The following GATAD2B variants were observed in gnomAD, a reference collection of about 807,000 sequenced individuals.
The protein encoded by GATAD2B is GATA zinc finger domain containing 2B.
GATAD2B carries 8 observed loss-of-function variants against 64.3 expected under a neutral mutation model. The ratio of observed to expected loss-of-function variants is 0.12; its 90% confidence interval spans 0.07 to 0.22. GATAD2B has a LOEUF of 0.22. Ranked by LOEUF, GATAD2B falls within the 10% of genes least tolerant of loss-of-function variation. The probability of loss-of-function intolerance (pLI) is 1.00; values close to 1 mark genes in which losing one functional copy is unlikely to be tolerated. For synonymous variants in GATAD2B, 281 were observed against 271.3 expected, an observed-to-expected ratio of 1.04 and a Z score of -0.35; for missense variants, 453 against 752.0, an observed-to-expected ratio of 0.60 and a Z score of 4.65.
intron 1 of GATAD2B, among the ~76,000 whole-genome samples, chr1:153,857,840 A>G (rs1676145555): frequency 1.3e-5 from 2 of 152,218 alleles, no homozygotes; most frequent in Non-Finnish European, 2.9e-5. Flanking sequence ...GAATTAGATA[A>G]TCCAACAAGA....
rs1677850294 is a variant in GATAD2B at position 153,903,858 on chromosome 1, C to T, written c.-2+18875G>A. ...AATTAGCTAGGTATGGTGGCACGCA[C>T]ATGTGGTCCCAGCTACTTGAGAGGT... On this transcript the variant is annotated intron_variant, in intron 1 of 10. Transcript: ENST00000368655. 2.6e-5 allele frequency among the ~76,000 whole-genome samples: 4 copies of T among 152,162 alleles called. No individual in the cohort carries two copies. The South Asian group carries it at 6.2e-4, about 24-fold the overall frequency.
rs188117370 is a variant in GATAD2B, at chr1:153,900,312, A to C, written c.-2+22421T>G. Among the ~76,000 whole-genome samples, 1,461 of 152,020 alleles carry C rather than the reference A, an allele frequency of 9.6e-3. 19 individuals are homozygous for C. The highest frequency in any genetic ancestry group is 0.016 in the Non-Finnish European group (1,094 of 67,976). On this transcript the variant is annotated intron_variant, in intron 1 of 10. Transcript: ENST00000368655. Reference sequence around the variant, plus strand: ...CACGCACCTGTAATCCCAGCTACTCAGGAGGCTTGAGGCAGGAGAATCACT... The same window carrying C: ...CACGCACCTGTAATCCCAGCTACTCCGGAGGCTTGAGGCAGGAGAATCACT...
intron 1 of GATAD2B, among the ~76,000 whole-genome samples, chr1:153,893,955 T>TAAAAAAA (rs57287798): frequency 1.5e-5 from 1 of 68,630 alleles, no homozygotes; most frequent in Non-Finnish European, 2.4e-5. Context: ...AGACTCCATC[T>TAAAAAAA]AAAAAAAAAA....
intron 2 of GATAD2B, among the ~76,000 whole-genome samples, chr1:153,823,714 CT>C (rs894778245): frequency 8.0e-4 from 111 of 138,880 alleles, no homozygotes; most frequent in Admixed American, 1.1e-3. Context: ...ATCGGTTTTG[CT>C]TTTTTTTTTT....
intron 1 of GATAD2B, among the ~76,000 whole-genome samples, chr1:153,836,270 T>G (rs562831645): frequency 1.3e-5 from 2 of 150,536 alleles, no homozygotes; most frequent in Admixed American, 1.3e-4. Flanking sequence ...TTTGTTTTTT[T>G]TTTTTTTTTT....
At chr1:153,827,063 T>C (rs567683535) in intron 2 of GATAD2B, among the ~76,000 whole-genome samples, 2 of 147,992 alleles carry the variant, frequency 1.4e-5, no homozygotes, top group African/African-American at 2.5e-5. Context: ...CTGGGTAATA[T>C]GGCAAAAACC....
intron 1 of GATAD2B, among the ~76,000 whole-genome samples, chr1:153,913,012 C>T (rs532031424): frequency 2.6e-5 from 4 of 152,048 alleles, no homozygotes; most frequent in African/African-American, 7.2e-5. Flanking sequence ...TGCTTGAACC[C>T]GGGAGGTAGA....
intron 1 of GATAD2B, among the ~76,000 whole-genome samples, chr1:153,838,093 C>A: frequency 6.6e-6 from 1 of 152,170 alleles, no homozygotes; most frequent in East Asian, 1.9e-4. Flanking sequence ...TGTATCCCAA[C>A]TGCAAAGCTT....
rs1553199455 is a variant in GATAD2B, at chr1:153,908,782, G to GGA, written c.-2+13950_-2+13951insTC. On this transcript the variant is annotated intron_variant, in intron 1 of 10. Transcript: ENST00000368655. The stretch of plus-strand genomic sequence containing the variant: ...CGCACCTGGCCTAGAAACATACTTG[G>GGA]AAAAAAAAAAAAAAAAAAAAGAAAG... Among the ~76,000 whole-genome samples, 7 of 31,874 alleles carry GGA rather than the reference G, an allele frequency of 2.2e-4. No individual in the cohort carries two copies. In the East Asian group the frequency reaches 4.1e-3, roughly 19 times the overall value. The allele number at this position is 31,874 out of a possible 152,430, so 20.9% of individuals were successfully genotyped here.
At chr1:153,897,368 A>C (rs1440933101) in intron 1 of GATAD2B, among the ~76,000 whole-genome samples, 2 of 152,198 alleles carry the variant, frequency 1.3e-5, no homozygotes, top group African/African-American at 4.8e-5. Context: ...TAAGAAGAAA[A>C]GATGAAAAGT....
At chr1:153,894,476 A>G (rs1221320587) in intron 1 of GATAD2B, among the ~76,000 whole-genome samples, 2 of 152,108 alleles carry the variant, frequency 1.3e-5, no homozygotes, top group Non-Finnish European at 2.9e-5. Flanking sequence ...TCAAAAAACA[A>G]AAAAAGACTT....
At chr1:153,872,967 T>C (rs897251988) in intron 1 of GATAD2B, among the ~76,000 whole-genome samples, 31 of 151,176 alleles carry the variant, frequency 2.1e-4, no homozygotes, top group African/African-American at 7.6e-4. Flanking sequence ...CATTCTTAAA[T>C]GAAACTTTTT....
intron 1 of GATAD2B, among the ~76,000 whole-genome samples, chr1:153,895,770 A>G (rs759058407): frequency 1.1e-4 from 16 of 152,110 alleles, no homozygotes; most frequent in Non-Finnish European, 2.2e-4. Context: ...ATCTACAAAG[A>G]TTCTAAGTCT....
chr1:153,892,692 C>CTTTT (rs144331770), intron 1 of GATAD2B, among the ~76,000 whole-genome samples: 8 of 97,858 alleles, frequency 8.2e-5, no homozygotes, highest in East Asian at 2.5e-4. Flanking sequence ...TGTAAGAAAC[C>CTTTT]TTTTTTTTTT....
At chr1:153,857,571 T>C (rs865885822) in intron 1 of GATAD2B, among the ~76,000 whole-genome samples, 1 of 152,184 alleles carries the variant, frequency 6.6e-6, no homozygotes, top group African/African-American at 2.4e-5. Flanking sequence ...TGATAAAATA[T>C]GTAAAACTTA....
chr1:153,915,741 TAAAAAAAAAAAAA>T (rs56236211), intron 1 of GATAD2B, among the ~76,000 whole-genome samples: 1 of 98,098 alleles, frequency 1.0e-5, no homozygotes, highest in East Asian at 2.8e-4. Flanking sequence ...CTTGTCTATA[TAAAAAAAAAAAAA>T]AAAAAAAGAA....
chr1:153,860,658 C>A (rs1676249427), intron 1 of GATAD2B, among the ~76,000 whole-genome samples: 1 of 151,428 alleles, frequency 6.6e-6, no homozygotes, highest in Non-Finnish European at 1.5e-5. Context: ...TTCTTATCTA[C>A]TTAAAAAAAA....
chr1:153,843,495 GAACTCCT>G (rs1380297185), intron 1 of GATAD2B, among the ~76,000 whole-genome samples: 1 of 151,898 alleles, frequency 6.6e-6, no homozygotes, highest in Non-Finnish European at 1.5e-5. Context: ...GGTTAGTCTT[GAACTCCT>G]GGCCTCACAC....
chr1:153,890,116 G>T (rs1243013532), intron 1 of GATAD2B, among the ~76,000 whole-genome samples: 1 of 149,954 alleles, frequency 6.7e-6, no homozygotes, highest in Non-Finnish European at 1.5e-5. Flanking sequence ...AGGTTGCAGT[G>T]AGCCAAGATC....
Sources: allele counts gnomAD v4.1 joint callset (sites outside exome capture counted in the v4.1 genomes callset), GRCh38; gene constraint gnomAD v4.1.1; transcripts MANE v1.5; gene names NCBI Gene and HGNC (gene_info 2026-07-23, HGNC 2026-07-21).